The following PZP variants were observed in gnomAD, a reference collection of about 807,000 sequenced individuals.
PZP encodes pregnancy zone protein.
PZP carries 150 observed loss-of-function variants against 179.8 expected under a neutral mutation model. The observed-to-expected ratio is 0.83, with a 90% CI of 0.73 to 0.96. PZP has a LOEUF of 0.96. Among genes scored for constraint, PZP ranks in the 40% least tolerant of loss-of-function variants. The pLI is 0.00. For synonymous variants in PZP, 624 were observed against 652.3 expected (o/e 0.96, Z 0.66); for missense variants, 1,689 against 1,764.0 (o/e 0.96, Z 0.76).
chr12:9,150,779 A>G, intron 33 of PZP, 33 bp from the exon 34 acceptor site: 1 of 1,374,114 alleles, frequency 7.3e-7, no homozygotes, highest in Non-Finnish European at 1.0e-6. Context: ...TCAAGAACCT[A>G]GAAAACCTCC....
chr12:9,204,100 A>G, intron 1 of PZP, 149 bp from the exon 2 acceptor site: 2 of 815,742 alleles, frequency 2.5e-6, no homozygotes, highest in Non-Finnish European at 3.8e-6. Flanking sequence ...GTTCTGTCAC[A>G]GATCAGCACA....
At chr12:9,165,951 AATT>A in intron 18 of PZP, 98 bp downstream of exon 18, 1 of 1,398,280 alleles carries the variant, frequency 7.2e-7, no homozygotes, top group African/African-American at 1.4e-5. Context: ...AGGTTAAGAT[AATT>A]ATTCAGAACT....
At chr12:9,204,352 T>TGTAATCATGTAA (rs1944342412) in intron 1 of PZP, among the ~76,000 whole-genome samples, 1 of 152,180 alleles carries the variant, frequency 6.6e-6, no homozygotes, top group South Asian at 2.1e-4. Flanking sequence ...TGATTATTCA[T>TGTAATCATGTAA]TGTAAAAAGG....
intron 1 of PZP, among the ~76,000 whole-genome samples, chr12:9,207,493 C>T (rs935671369): frequency 1.3e-5 from 2 of 152,140 alleles, no homozygotes; most frequent in African/African-American, 4.8e-5. Flanking sequence ...AGGCAGGATG[C>T]AAAGGTAGGA....
chr12:9,196,915 C>T (rs113527825), intron 8 of PZP, 97 bp downstream of exon 8: 66 of 1,020,704 alleles, frequency 6.5e-5, no homozygotes, highest in South Asian at 3.8e-4. Context: ...GGATATTTTG[C>T]GACAAGCTTG....
At chr12:9,180,183 T>G (rs1443397406) in intron 15 of PZP, among the ~76,000 whole-genome samples, 1 of 152,202 alleles carries the variant, frequency 6.6e-6, no homozygotes, top group Non-Finnish European at 1.5e-5. Flanking sequence ...GTGCACATTG[T>G]GCAGGTTAGT....
intron 3 of PZP, 68 bp from the exon 4 acceptor site, chr12:9,202,439 G>A: frequency 6.2e-7 from 1 of 1,612,318 alleles, no homozygotes; most frequent in Non-Finnish European, 8.5e-7. Flanking sequence ...TAAGACAGGA[G>A]GCTACGGGGC....
At chr12:9,205,013 A>G (rs1258444979) in intron 1 of PZP, among the ~76,000 whole-genome samples, 2 of 152,140 alleles carry the variant, frequency 1.3e-5, no homozygotes, top group Admixed American at 1.3e-4. Flanking sequence ...AAGAAGGATC[A>G]CTTAAGCCCA....
In PZP at chr12:9,197,010, A is replaced by G. The variant is rs1369173884; in HGVS notation, c.867+2T>C. On this transcript the variant is annotated splice_donor_variant, in intron 8 of 35. Coordinates refer to ENST00000261336, the MANE Select transcript of PZP (RefSeq NM_002864.3). LOFTEE classifies it high-confidence loss of function. Reference sequence around the variant, plus strand: ...CACTGAGGGAGAATACCGCCTACTAACCTGTTGACTGAATTCCTCACAGAC... The same window carrying G: ...CACTGAGGGAGAATACCGCCTACTAGCCTGTTGACTGAATTCCTCACAGAC... 1 of 1,592,138 alleles carries G rather than the reference A, an allele frequency of 6.3e-7. No homozygotes were observed. Among genetic ancestry groups the G allele is most frequent in the Non-Finnish European group, 8.6e-7 (1 of 1,160,536 alleles).
chr12:9,167,743 TC>T (rs1291595937), intron 17 of PZP, among the ~76,000 whole-genome samples: 1 of 152,196 alleles, frequency 6.6e-6, no homozygotes, highest in Non-Finnish European at 1.5e-5. Context: ...GCTCTTTTTT[TC>T]CTGAGTGTTA....
chr12:9,175,671 G>C (rs1400531958), intron 15 of PZP, among the ~76,000 whole-genome samples: 1 of 152,066 alleles, frequency 6.6e-6, no homozygotes, highest in African/African-American at 2.4e-5. Flanking sequence ...ATTCTCAAAA[G>C]AAAACATACA....
At chr12:9,202,218 A>T (rs1382673956) in intron 4 of PZP, 101 bp downstream of exon 4, 1 of 1,096,460 alleles carries the variant, frequency 9.1e-7, no homozygotes, top group Admixed American at 2.0e-5. Flanking sequence ...TTCAAAAACA[A>T]GTGTCTTTCA....
At chr12:9,136,756 A>G in the PZP span, among the ~76,000 whole-genome samples, 1 of 152,006 alleles carries the variant, frequency 6.6e-6, no homozygotes, top group Non-Finnish European at 1.5e-5. Context: ...TGTGGTTTTG[A>G]TTTGCATTTC....
At chr12:9,156,175 A>G in intron 28 of PZP, 1 of 208,660 alleles carries the variant, frequency 4.8e-6, no homozygotes, top group Non-Finnish European at 1.0e-5. Flanking sequence ...TACTTCTTGT[A>G]GGCTTCTTTT....
At chr12:9,152,987 T>C (rs1940474902) in intron 30 of PZP, 36 bp from the exon 31 acceptor site, 10 of 1,613,470 alleles carry the variant, frequency 6.2e-6, no homozygotes, top group Non-Finnish European at 8.5e-6. Flanking sequence ...GTTTCTCTCT[T>C]TTTCTGGACC....
rs772334223 is a variant in PZP, at chr12:9,151,564, G to C, written c.4281+40C>G. 4 of 1,543,560 alleles carry C rather than the reference G, an allele frequency of 2.6e-6. No individual in the cohort carries two copies. The Admixed American group carries it at 5.3e-5, about 20-fold the overall frequency. On this transcript the variant is annotated intron_variant, in intron 33 of 35. Transcript: ENST00000261336. ...AGTAAAGAGACTCACTTAGAAAGACGACCCATATGTAGTCTCAGCCAGGAT... is the reference window on the plus strand; with the variant it reads ...AGTAAAGAGACTCACTTAGAAAGACCACCCATATGTAGTCTCAGCCAGGAT...
intron 29 of PZP, 144 bp from the exon 30 acceptor site, chr12:9,153,487 TCTGC>T (rs1940521263): frequency 8.2e-6 from 5 of 611,754 alleles, no homozygotes; most frequent in Non-Finnish European, 1.4e-5. Context: ...TTCCTTTTTC[TCTGC>T]CTTTCAGACA....
rs773566178 is a variant in PZP at position 9,154,686 on chromosome 12, G to A, written c.3704C>T (p.Thr1235Ile). 2.5e-6 allele frequency: 4 copies of A among 1,614,182 alleles called. No individual in the cohort carries two copies. Among genetic ancestry groups the A allele is most frequent in the Non-Finnish European group, 3.4e-6 (4 of 1,180,036 alleles). The change falls in exon 29 of 36, where the codon ACC becomes ATC. Residue 1235 changes from threonine to isoleucine, a missense_variant. By Grantham distance (89) the Thr-to-Ile change is moderately conservative (BLOSUM62 -1). Transcript: ENST00000261336. ...CCACTTCACAATGTTAGTTGCAGAG[G>A]TCAGGTCCCCTGAGGTGGGGGCTGG... ...AQPAPTSGDL[T>I]SATNIVKWIM...
rs1176351994 is a variant in PZP, at chr12:9,162,715, TCC to T, written c.2737-69_2737-68del. 45 of 1,261,590 alleles carry T rather than the reference TCC, an allele frequency of 3.6e-5. No individual in the cohort carries two copies. In the African/African-American group the frequency reaches 6.4e-4, roughly 18 times the overall value. 78.1% of individuals were successfully genotyped at this position (1,261,590 alleles called of 1,614,324 possible). A position where few individuals can be genotyped will look rare whatever the true frequency, so the allele number is the denominator to read the frequency against. ...CTGGTGACAAGAGAACCACATGGAT[TCC>T]TTTCTTTGATGGGTAGGGTTTACAC... On this transcript the variant is annotated intron_variant, in intron 21 of 35. Coordinates refer to ENST00000261336, the MANE Select transcript of PZP (RefSeq NM_002864.3).
Sources: gnomAD v4.1 joint callset for allele counts (sites outside exome capture counted in the v4.1 genomes callset) on GRCh38, gnomAD v4.1.1 for gene constraint, MANE v1.5 for transcripts, NCBI Gene and HGNC (gene_info 2026-07-23, HGNC 2026-07-21) for gene names.